The following ZNF33A variants were observed in gnomAD, a reference collection of about 807,000 sequenced individuals.
ZNF33A encodes brain my041 protein.
ZNF33A carries 9 observed loss-of-function variants against 15.9 expected under a neutral mutation model. The observed-to-expected ratio is 0.57, with a 90% CI of 0.34 to 0.99. The LOEUF (loss-of-function observed/expected upper bound fraction) is 0.99, where lower values mean the gene tolerates loss of function less well. Ranked by LOEUF, ZNF33A falls within the 50% of genes least tolerant of loss-of-function variation. The pLI is 0.02. For missense variants in ZNF33A, 843 were observed against 941.6 expected (o/e 0.90, Z 1.37); for synonymous variants, 294 against 324.2 (o/e 0.91, Z 1.00).
At chr10:38,022,753 A>T (rs2064811889) in intron 4 of ZNF33A, among the ~76,000 whole-genome samples, 1 of 152,034 alleles carries the variant, frequency 6.6e-6, no homozygotes, top group African/African-American at 2.4e-5. Flanking sequence ...GATATAGATA[A>T]TTTGAATGAC....
downstream of ZNF33A, among the ~76,000 whole-genome samples, chr10:38,065,703 A>G (rs1014196729): frequency 1.3e-4 from 19 of 147,570 alleles, no homozygotes; most frequent in African/African-American, 3.2e-4. Flanking sequence ...ATGTCTTCCC[A>G]TGGGACACAC....
intron 4 of ZNF33A, among the ~76,000 whole-genome samples, chr10:38,027,861 C>A (rs1590543880): frequency 6.6e-6 from 1 of 152,140 alleles, no homozygotes; most frequent in African/African-American, 2.4e-5. Context: ...AGTATAGCCA[C>A]CCCAGTTCCC....
At chr10:38,017,143 C>T (rs759565844) in intron 3 of ZNF33A, 128 bp downstream of exon 3, 4 of 1,418,240 alleles carry the variant, frequency 2.8e-6, no homozygotes, top group Non-Finnish European at 3.8e-6. Flanking sequence ...TGATTGATCA[C>T]CTCTGAGTAC....
chr10:38,040,330 C>G (rs1161883935), intron 4 of ZNF33A, among the ~76,000 whole-genome samples: 2 of 152,076 alleles, frequency 1.3e-5, no homozygotes, highest in East Asian at 3.9e-4. Flanking sequence ...AGAGTGTCAT[C>G]TATATCTTCT....
chr10:38,035,184 C>G (rs947505443), intron 4 of ZNF33A, among the ~76,000 whole-genome samples: 4 of 120,492 alleles, frequency 3.3e-5, no homozygotes, highest in African/African-American at 1.3e-4. Context: ...GTGGTGTGAT[C>G]TCAGCTCACG....
At position 38,056,346 on chromosome 10, in the gene ZNF33A, G is replaced by A. The variant is rs914828629; in HGVS notation, c.2222G>A (p.Arg741Lys). ...AAATCGGAACTTGCTCAACATCAGA[G>A]ATCACATACAGGGGAAAAGCCCTAT... ...YRKSELAQHQRSHTGEKPYEC... is the reference protein window; with the variant it reads ...YRKSELAQHQKSHTGEKPYEC... The change falls in exon 5 of 5, where the codon AGA becomes AAA. Residue 741 changes from arginine to lysine, a missense_variant. By Grantham distance (26) the Arg-to-Lys change is conservative. Coordinates refer to ENST00000432900, the MANE Select transcript of ZNF33A (RefSeq NM_006954.2). The A allele has an allele frequency of 1.9e-6, 3 of 1,614,002 alleles. No homozygotes were observed. In the African/African-American group the frequency reaches 4.0e-5, roughly 22 times the overall value.
At chr10:38,047,807 G>C (rs2066020964) in intron 4 of ZNF33A, among the ~76,000 whole-genome samples, 2 of 152,088 alleles carry the variant, frequency 1.3e-5, no homozygotes, top group African/African-American at 2.4e-5. Flanking sequence ...GGAACTTACT[G>C]ATCTAAGAAG....
intron 4 of ZNF33A, among the ~76,000 whole-genome samples, chr10:38,053,083 C>T (rs1362597970): frequency 6.6e-6 from 1 of 152,000 alleles, no homozygotes; most frequent in African/African-American, 2.4e-5. Flanking sequence ...ATTGCTTCTT[C>T]TTTTTCTTGT....
chr10:38,045,059 T>G (rs2065892229), intron 4 of ZNF33A, among the ~76,000 whole-genome samples: 1 of 152,194 alleles, frequency 6.6e-6, no homozygotes, highest in Non-Finnish European at 1.5e-5. Context: ...GTTTTTCCTG[T>G]ATGTAGGTGA....
rs917344808 is a variant in ZNF33A, at chr10:38,054,389, G to C, written c.265G>C (p.Asp89His). Residue 89 changes from aspartate to histidine, a missense_variant, in exon 5 of 5, where the codon GAT (aspartate) becomes CAT (histidine). By Grantham distance (81) the Asp-to-His change is moderately conservative. Coordinates refer to ENST00000432900, the MANE Select transcript of ZNF33A (RefSeq NM_006954.2). Reference protein sequence around the residue: ...SQSFPEVWTADHLKERSQENQ... With the variant: ...SQSFPEVWTAHHLKERSQENQ... ...CTTGTTTCTAGAAGTCTGGACAGCT[G>C]ATCACCTGAAAGAGAGGAGCCAAGA... 4 of 1,565,550 alleles carry C rather than the reference G, an allele frequency of 2.6e-6. No homozygotes were observed. Among genetic ancestry groups the C allele is most frequent in the Non-Finnish European group, 3.4e-6 (4 of 1,160,896 alleles).
intron 4 of ZNF33A, among the ~76,000 whole-genome samples, chr10:38,019,675 TAGAC>T (rs1203358886): frequency 6.6e-6 from 1 of 152,204 alleles, no homozygotes; most frequent in East Asian, 1.9e-4. Context: ...AAGGCATTAT[TAGAC>T]AGGGAAGCTA....
At chr10:38,014,093 G>A (rs1254402933) in intron 2 of ZNF33A, among the ~76,000 whole-genome samples, 4 of 125,452 alleles carry the variant, frequency 3.2e-5, no homozygotes, top group Non-Finnish European at 4.7e-5. Context: ...CCCAGGCTAG[G>A]GTGCAGTGTG....
Position 38,024,352 on chromosome 10 carries a change from AC to A in ZNF33A, c.250+6967del, listed in dbSNP as rs548088864. On this transcript the variant is annotated intron_variant, in intron 4 of 4. Transcript: ENST00000432900. ...AATTAAATAGTTTGGTATAAATTGA[AC>A]AAAATATGTATAGGACTTTTGTGCT... 1.3e-4 allele frequency among the ~76,000 whole-genome samples: 20 copies of A among 152,272 alleles called. No individual in the cohort carries two copies. In the East Asian group the frequency reaches 3.5e-3, roughly 26 times the overall value.
In ZNF33A at chr10:38,014,035, A is replaced by ATTTTTTTTTTTTTTT. The variant is rs10658326; in HGVS notation, c.9+1699_9+1713dup. Among the ~76,000 whole-genome samples, 2 of 80,368 alleles carry ATTTTTTTTTTTTTTT rather than the reference A, an allele frequency of 2.5e-5. 1 individual carries two copies. The highest frequency in any genetic ancestry group is 3.3e-4 in the Admixed American group (2 of 6,058). 52.7% of individuals were successfully genotyped at this position (80,368 alleles called of 152,430 possible). A position where few individuals can be genotyped will look rare whatever the true frequency, so the allele number is the denominator to read the frequency against. On this transcript the variant is annotated intron_variant, in intron 2 of 4. Coordinates refer to ENST00000432900, the MANE Select transcript of ZNF33A (RefSeq NM_006954.2). ...AAAGCCCCAAATTTAATGATGTCTG[A>ATTTTTTTTTTTTTTT]TTTTTTTTTTTTTTTTTTTTTTTTT...
intron 4 of ZNF33A, among the ~76,000 whole-genome samples, chr10:38,018,278 A>G (rs1184105520): frequency 2.0e-5 from 3 of 152,210 alleles, no homozygotes; most frequent in African/African-American, 7.2e-5. Context: ...GGTCAACATT[A>G]GAGCAGAGAT....
chr10:38,023,793 G>A (rs970309674), intron 4 of ZNF33A, among the ~76,000 whole-genome samples: 11 of 152,124 alleles, frequency 7.2e-5, no homozygotes, highest in Admixed American at 5.2e-4. Flanking sequence ...AGTCATACAC[G>A]TAGAGAAGAA....
chr10:38,021,838 A>C (rs1416067996), intron 4 of ZNF33A, among the ~76,000 whole-genome samples: 1 of 152,230 alleles, frequency 6.6e-6, no homozygotes, highest in Non-Finnish European at 1.5e-5. Flanking sequence ...ATAGAGTGAC[A>C]ATAGGAAAAT....
intron 4 of ZNF33A, among the ~76,000 whole-genome samples, chr10:38,042,490 T>G (rs917431825): frequency 2.2e-5 from 3 of 134,490 alleles, no homozygotes; most frequent in African/African-American, 8.4e-5. Flanking sequence ...CCACTCTATT[T>G]TTTTGCTTTA....
At chr10:38,064,180 A>G (rs1404988850), downstream of ZNF33A, 43 of 1,495,228 alleles carry the variant, frequency 2.9e-5, no homozygotes, top group African/African-American at 6.9e-5. Context: ...TGGAAGATCC[A>G]TGGCCTTCCC....
Sources: gnomAD v4.1 joint callset for allele counts (sites outside exome capture counted in the v4.1 genomes callset) on GRCh38, gnomAD v4.1.1 for gene constraint, MANE v1.5 for transcripts, NCBI Gene and HGNC (gene_info 2026-07-23, HGNC 2026-07-21) for gene names.